ANGPT2: variants seen among roughly 807,000 people sequenced by gnomAD.
ANGPT2 encodes angiopoietin-2.
Under a neutral mutation model 62.9 loss-of-function variants are expected in ANGPT2, and 28 were observed. That is an observed-to-expected ratio of 0.44 (90% CI 0.33 to 0.61). The LOEUF is 0.61. ANGPT2 is among the 20% of genes least tolerant of loss of function. The pLI is 0.03. For missense variants in ANGPT2, 727 were observed against 594.9 expected (o/e 1.22, Z -2.31); for synonymous variants, 284 against 207.8 (o/e 1.37, Z -3.15).
chr8:6,559,675 G>C (rs1054579717), intron 1 of ANGPT2, among the ~76,000 whole-genome samples: 11 of 151,352 alleles, frequency 7.3e-5, no homozygotes, highest in Non-Finnish European at 1.3e-4. Flanking sequence ...CCTCTTATCA[G>C]AAAAAAAAAT....
chr8:6,537,369 C>T (rs547576891), intron 1 of ANGPT2, among the ~76,000 whole-genome samples: 2 of 151,964 alleles, frequency 1.3e-5, no homozygotes, highest in Non-Finnish European at 2.9e-5. Context: ...CTTCCTTTCT[C>T]AGAACTCAAG....
At chr8:6,558,646 A>G (rs1825030915) in intron 1 of ANGPT2, among the ~76,000 whole-genome samples, 1 of 152,162 alleles carries the variant, frequency 6.6e-6, no homozygotes. Flanking sequence ...GACTATATGG[A>G]TTATCTAGTG....
At chr8:6,504,410 C>T (rs1812858963) in intron 8 of ANGPT2, among the ~76,000 whole-genome samples, 1 of 152,030 alleles carries the variant, frequency 6.6e-6, no homozygotes, top group Admixed American at 6.6e-5. Flanking sequence ...CTTCATCCCT[C>T]CCAGAACATG....
intron 3 of ANGPT2, among the ~76,000 whole-genome samples, chr8:6,524,788 A>C (rs907892332): frequency 2.0e-5 from 3 of 152,234 alleles, no homozygotes; most frequent in Non-Finnish European, 4.4e-5. Context: ...TGTAAATAGA[A>C]GTTATCACAG....
intron 5 of ANGPT2, among the ~76,000 whole-genome samples, chr8:6,518,474 C>T (rs1213283559): frequency 1.3e-5 from 2 of 152,098 alleles, no homozygotes; most frequent in Non-Finnish European, 2.9e-5. Context: ...TGATTTAACA[C>T]AGCATTAATG....
chr8:6,516,830 C>G (rs1483445979), intron 5 of ANGPT2, among the ~76,000 whole-genome samples: 6 of 152,142 alleles, frequency 3.9e-5, no homozygotes, highest in Non-Finnish European at 7.3e-5. Flanking sequence ...AATACATGTT[C>G]TATCTTGTTC....
intron 3 of ANGPT2, 133 bp from the exon 4 acceptor site, chr8:6,521,543 G>C: frequency 1.5e-6 from 1 of 674,178 alleles, no homozygotes; most frequent in Non-Finnish European, 2.4e-6. Flanking sequence ...TGTTACCAGA[G>C]CCCTAAGGAA....
intron 1 of ANGPT2, among the ~76,000 whole-genome samples, chr8:6,549,609 C>A (rs1198798146): frequency 1.4e-5 from 2 of 145,754 alleles, no homozygotes; most frequent in Non-Finnish European, 3.0e-5. Flanking sequence ...TTGAGTTGGG[C>A]GGTCGTTACA....
chr8:6,525,281 A>C (rs1222886502), intron 3 of ANGPT2, among the ~76,000 whole-genome samples: 3 of 152,082 alleles, frequency 2.0e-5, no homozygotes, highest in Admixed American at 6.5e-5. Context: ...TTTTGGAGAG[A>C]TGGGGGTCTG....
chr8:6,517,439 C>T (rs562626864), intron 5 of ANGPT2, among the ~76,000 whole-genome samples: 29 of 152,338 alleles, frequency 1.9e-4, no homozygotes, highest in African/African-American at 6.3e-4. Flanking sequence ...TGATAAATGC[C>T]ATCTTGCAGT....
intron 1 of ANGPT2, among the ~76,000 whole-genome samples, chr8:6,540,698 A>G (rs1321580090): frequency 6.6e-6 from 1 of 152,264 alleles, no homozygotes; most frequent in Non-Finnish European, 1.5e-5. Context: ...CTGTCTCACC[A>G]GATTCTCACA....
At chr8:6,508,766 G>C (rs947101323) in intron 8 of ANGPT2, 166 bp downstream of exon 8, 4 of 966,610 alleles carry the variant, frequency 4.1e-6, no homozygotes, top group Non-Finnish European at 6.3e-6. Context: ...TTAAAACTTA[G>C]TCTAAAAAAA....
At chr8:6,560,870 A>G (rs930681172) in intron 1 of ANGPT2, among the ~76,000 whole-genome samples, 8 of 152,232 alleles carry the variant, frequency 5.3e-5, no homozygotes, top group African/African-American at 1.9e-4. Flanking sequence ...TTAAGCAAAT[A>G]CAATGTAGCA....
At chr8:6,544,357 G>T (rs1178945101) in intron 1 of ANGPT2, among the ~76,000 whole-genome samples, 1 of 152,242 alleles carries the variant, frequency 6.6e-6, no homozygotes, top group East Asian at 1.9e-4. Flanking sequence ...GTTTGACTGT[G>T]CTGGAAAGAG....
intron 1 of ANGPT2, among the ~76,000 whole-genome samples, chr8:6,553,537 C>G (rs1824045021): frequency 6.6e-6 from 1 of 152,212 alleles, no homozygotes; most frequent in South Asian, 2.1e-4. Flanking sequence ...TCCAAGATAC[C>G]TCTTATTTTG....
chr8:6,562,628 A>AGAT lies in ANGPT2; in HGVS notation c.288+16_288+18dup. ...ATCTTAATAGCATGTTCACAAAGACAGATGGATTTTTTTCCTACCTTCATT... is the reference window on the plus strand; with the variant it reads ...ATCTTAATAGCATGTTCACAAAGACAGATGATGGATTTTTTTCCTACCTTCATT... On this transcript the variant is annotated intron_variant, in intron 1 of 8. Transcript: ENST00000629816. 7.2e-7 allele frequency: 1 copy of AGAT among 1,387,108 alleles called. No individual in the cohort carries two copies. The allele number at this position is 1,387,108 out of a possible 1,614,324, so 85.9% of individuals were successfully genotyped here.
chr8:6,519,509 T>C (rs1816899628), intron 5 of ANGPT2, among the ~76,000 whole-genome samples: 1 of 152,242 alleles, frequency 6.6e-6, no homozygotes, highest in South Asian at 2.1e-4. Flanking sequence ...ACTATGGTTG[T>C]TCAACCTTCA....
chr8:6,541,647 T>C (rs369827311), intron 1 of ANGPT2, among the ~76,000 whole-genome samples: 2 of 152,298 alleles, frequency 1.3e-5, no homozygotes, highest in South Asian at 4.1e-4. Context: ...GCTTAGAAGA[T>C]AGTAGTGATG....
chr8:6,525,160 A>C (rs1221364136), intron 3 of ANGPT2, among the ~76,000 whole-genome samples: 1 of 152,216 alleles, frequency 6.6e-6, no homozygotes, highest in African/African-American at 2.4e-5. Flanking sequence ...GCTACCCATT[A>C]CATATCTCGC....
Sources: allele counts gnomAD v4.1 joint callset (sites outside exome capture counted in the v4.1 genomes callset), GRCh38; gene constraint gnomAD v4.1.1; transcripts MANE v1.5; gene names NCBI Gene and HGNC (gene_info 2026-07-23, HGNC 2026-07-21).